Variants in GPM6A observed in about 807,000 individuals in gnomAD.
The protein encoded by GPM6A is neuronal membrane glycoprotein M6-a.
Under a neutral mutation model 32.1 loss-of-function variants are expected in GPM6A, and 7 were observed. The observed-to-expected ratio is 0.22, with a 90% CI of 0.12 to 0.41. The LOEUF is 0.41. Among genes scored for constraint, GPM6A ranks in the 10% least tolerant of loss-of-function variants. The probability of loss-of-function intolerance (pLI) is 1.00; values close to 1 mark genes in which losing one functional copy is unlikely to be tolerated. For synonymous variants in GPM6A, 130 were observed against 123.4 expected (o/e 1.05, Z -0.35); for missense variants, 235 against 347.2 (o/e 0.68, Z 2.57).
At chr4:175,998,517 A>G (rs1206498798) in intron 1 of GPM6A, among the ~76,000 whole-genome samples, 1 of 152,218 alleles carries the variant, frequency 6.6e-6, no homozygotes, top group Middle Eastern at 3.2e-3. Flanking sequence ...AAACATGCAG[A>G]AAGTAAACCA....
intron 1 of GPM6A, among the ~76,000 whole-genome samples, chr4:175,961,586 C>T (rs930083525): frequency 6.6e-6 from 1 of 152,136 alleles, no homozygotes; most frequent in Non-Finnish European, 1.5e-5. Context: ...TAAAATCTCC[C>T]AGTGGGGCCT....
chr4:175,815,971 C>T (rs974293245), upstream of GPM6A, among the ~76,000 whole-genome samples: 3 of 152,132 alleles, frequency 2.0e-5, no homozygotes, highest in Non-Finnish European at 2.9e-5. Flanking sequence ...CCTACCTCGG[C>T]CTCCCAAAGT....
intron 1 of GPM6A, among the ~76,000 whole-genome samples, chr4:176,001,511 TC>T (rs1400765510): frequency 6.6e-6 from 1 of 152,026 alleles, no homozygotes; most frequent in African/African-American, 2.4e-5. Context: ...CAGTTCTTCC[TC>T]CCCTCCGCCA....
intron 4 of GPM6A, among the ~76,000 whole-genome samples, chr4:175,646,878 T>C (rs186467133): frequency 6.6e-6 from 1 of 152,314 alleles, no homozygotes; most frequent in Admixed American, 6.5e-5. Context: ...ATTCACTATA[T>C]GACCCCACCA....
chr4:175,822,144 A>G (rs1209329286), intron 1 of GPM6A, among the ~76,000 whole-genome samples: 2 of 152,224 alleles, frequency 1.3e-5, no homozygotes, highest in East Asian at 3.9e-4. Flanking sequence ...TTCTCCATCA[A>G]GTAAGATGAT....
At chr4:175,787,017 C>T (rs1224927210) in intron 1 of GPM6A, 4 of 256,398 alleles carry the variant, frequency 1.6e-5, no homozygotes, top group Non-Finnish European at 2.2e-5. Flanking sequence ...ATTGACCTCC[C>T]TCTGTGAATT....
intron 1 of GPM6A, chr4:175,961,443 G>A (rs2126402526): frequency 6.6e-6 from 1 of 152,286 alleles, no homozygotes; most frequent in South Asian, 2.1e-4. Flanking sequence ...CCCAAAAACT[G>A]GAGAGACAGA....
chr4:175,762,043 C>T (rs1378120406), intron 1 of GPM6A, among the ~76,000 whole-genome samples: 1 of 152,198 alleles, frequency 6.6e-6, no homozygotes, highest in Admixed American at 6.5e-5. Flanking sequence ...ATCCAGCCAC[C>T]TCGGCTTCCC....
chr4:175,785,946 T>C (rs899783510), intron 1 of GPM6A, among the ~76,000 whole-genome samples: 1 of 151,842 alleles, frequency 6.6e-6, no homozygotes, highest in Non-Finnish European at 1.5e-5. Context: ...AGACAGATAA[T>C]TACAGAAGCA....
At chr4:175,699,624 T>C (rs895321018) in intron 2 of GPM6A, among the ~76,000 whole-genome samples, 2 of 152,222 alleles carry the variant, frequency 1.3e-5, no homozygotes, top group African/African-American at 4.8e-5. Flanking sequence ...GCTAATCAGT[T>C]CCATTCTTCT....
At chr4:175,836,344 C>A (rs1735768040) in intron 1 of GPM6A, among the ~76,000 whole-genome samples, 2 of 152,046 alleles carry the variant, frequency 1.3e-5, no homozygotes, top group South Asian at 4.1e-4. Context: ...TGAGGTGTAC[C>A]ACATGTCAGA....
chr4:175,798,020 G>A (rs959693144), intron 1 of GPM6A, among the ~76,000 whole-genome samples: 1 of 152,078 alleles, frequency 6.6e-6, no homozygotes, highest in South Asian at 2.1e-4. Context: ...CATACTCACC[G>A]AATCAGAAAC....
intron 6 of GPM6A, among the ~76,000 whole-genome samples, chr4:175,636,260 G>GTA (rs34516159): frequency 0.039 from 3,902 of 100,324 alleles, 203 homozygotes; most frequent in African/African-American, 0.043. Context: ...CATAATCACT[G>GTA]TATATATATA....
At chr4:175,873,372 T>G (rs537748562) in intron 1 of GPM6A, among the ~76,000 whole-genome samples, 24 of 152,132 alleles carry the variant, frequency 1.6e-4, no homozygotes, top group Non-Finnish European at 3.2e-4. Context: ...AAATTATAAT[T>G]ACAGAAAACA....
At chr4:175,784,890 C>T (rs532773876) in intron 1 of GPM6A, among the ~76,000 whole-genome samples, 1 of 152,230 alleles carries the variant, frequency 6.6e-6, no homozygotes, top group Admixed American at 6.5e-5. Flanking sequence ...AGTTAATAGC[C>T]TCTGTATAAA....
intron 1 of GPM6A, among the ~76,000 whole-genome samples, chr4:175,774,555 A>G (rs1418708174): frequency 2.0e-5 from 3 of 152,236 alleles, no homozygotes; most frequent in South Asian, 2.1e-4. Flanking sequence ...AGAATCCAAC[A>G]ATACATACAT....
chr4:175,856,785 T>G (rs111347009), intron 1 of GPM6A, among the ~76,000 whole-genome samples: 2 of 152,240 alleles, frequency 1.3e-5, no homozygotes, highest in African/African-American at 4.8e-5. Flanking sequence ...TTCAGATGCT[T>G]CTTCTCTTCT....
chr4:175,978,185 G>T (rs138803599), intron 1 of GPM6A, among the ~76,000 whole-genome samples: 1 of 152,108 alleles, frequency 6.6e-6, no homozygotes, highest in Non-Finnish European at 1.5e-5. Context: ...CACATGGCTG[G>T]GGAAGCTTCA....
intron 1 of GPM6A, among the ~76,000 whole-genome samples, chr4:175,827,068 A>G (rs1044999170): frequency 6.6e-6 from 1 of 152,210 alleles, no homozygotes; most frequent in Non-Finnish European, 1.5e-5. Context: ...CCCATGAAGT[A>G]AGTATCATTA....
Sources: gnomAD v4.1 joint callset for allele counts (sites outside exome capture counted in the v4.1 genomes callset) on GRCh38, gnomAD v4.1.1 for gene constraint, MANE v1.5 for transcripts, NCBI Gene and HGNC (gene_info 2026-07-23, HGNC 2026-07-21) for gene names.